Variants in ADAP2 observed in about 807,000 individuals in gnomAD.
ADAP2 encodes the protein arf-GAP with dual PH domain-containing protein 2.
ADAP2 carries 42 observed loss-of-function variants against 54.9 expected under a neutral mutation model. The ratio of observed to expected loss-of-function variants is 0.77; its 90% CI spans 0.60 to 0.99. The LOEUF is 0.99. Among genes scored for constraint, ADAP2 ranks in the 50% least tolerant of loss-of-function variants. ADAP2 has a pLI of 0.00. For synonymous variants in ADAP2, 177 were observed against 180.1 expected, an observed-to-expected ratio of 0.98 and a Z score of 0.14; for missense variants, 429 against 480.4, an observed-to-expected ratio of 0.89 and a Z score of 1.00.
intron 2 of ADAP2, among the ~76,000 whole-genome samples, chr17:30,925,906 T>A (rs1014737831): frequency 1.3e-5 from 2 of 152,042 alleles, no homozygotes; most frequent in Admixed American, 1.3e-4. Flanking sequence ...AATTTTTGTA[T>A]TTTTTTAGTA....
chr17:30,935,989 A>G (rs1911842807), intron 5 of ADAP2, among the ~76,000 whole-genome samples: 1 of 152,192 alleles, frequency 6.6e-6, no homozygotes, highest in Admixed American at 6.5e-5. Flanking sequence ...GTGTATTCAC[A>G]GAGTAGCACA....
chr17:30,944,802 A>G, intron 5 of ADAP2, 105 bp from the exon 6 acceptor site: 8 of 1,173,872 alleles, frequency 6.8e-6, no homozygotes, highest in Non-Finnish European at 9.7e-6. Context: ...TTTAAAACCC[A>G]TATATTTACA....
chr17:30,924,919 C>A (rs1263776120), intron 2 of ADAP2, among the ~76,000 whole-genome samples: 1 of 148,312 alleles, frequency 6.7e-6, no homozygotes, highest in Non-Finnish European at 1.5e-5. Flanking sequence ...GTTGCCCAGG[C>A]TGGAGTGCAA....
intron 9 of ADAP2, 77 bp from the exon 10 acceptor site, chr17:30,956,164 G>A: frequency 7.4e-7 from 1 of 1,358,682 alleles, no homozygotes; most frequent in Non-Finnish European, 1.0e-6. Flanking sequence ...CCAAAATAAA[G>A]CTTGGAGGCT....
chr17:30,930,343 A>G (rs1352219196), intron 3 of ADAP2, among the ~76,000 whole-genome samples: 10 of 152,082 alleles, frequency 6.6e-5, no homozygotes, highest in Admixed American at 6.6e-4. Flanking sequence ...AAGTGCTAGG[A>G]TTACAAGTGT....
intron 1 of ADAP2, among the ~76,000 whole-genome samples, 182 bp downstream of exon 1, chr17:30,922,290 C>T (rs1567711637): frequency 6.6e-6 from 1 of 151,922 alleles, no homozygotes. Context: ...GGGCCGTCTC[C>T]ACCACACCCT....
At chr17:30,954,665 G>A in intron 9 of ADAP2, 110 bp downstream of exon 9, 1 of 922,208 alleles carries the variant, frequency 1.1e-6, no homozygotes, top group East Asian at 2.5e-5. Flanking sequence ...GAGCCCCAGA[G>A]CTAGAGAAAC....
intron 1 of ADAP2, among the ~76,000 whole-genome samples, chr17:30,922,401 C>G (rs1277940488): frequency 6.6e-6 from 1 of 152,224 alleles, no homozygotes; most frequent in African/African-American, 2.4e-5. Context: ...AGCCTAGAGC[C>G]CTTCCAGTCC....
intron 2 of ADAP2, among the ~76,000 whole-genome samples, 194 bp downstream of exon 2, chr17:30,923,264 CTT>C (rs375853030): frequency 0.012 from 1,657 of 135,022 alleles, 35 homozygotes; most frequent in African/African-American, 0.043. Flanking sequence ...CATTTGCTTA[CTT>C]TTTTTTTTTT....
At chr17:30,956,809 C>T (rs1051327505) in intron 10 of ADAP2, 4 of 266,912 alleles carry the variant, frequency 1.5e-5, no homozygotes, top group East Asian at 8.0e-5. Flanking sequence ...TCCTTTTTCT[C>T]GTGAGAAAAC....
At chr17:30,954,353 G>A in intron 8 of ADAP2, 125 bp from the exon 9 acceptor site, 3 of 766,106 alleles carry the variant, frequency 3.9e-6, no homozygotes, top group Non-Finnish European at 6.9e-6. Flanking sequence ...ATGTCTGACT[G>A]AGGAGGCTGG....
intron 6 of ADAP2, 70 bp downstream of exon 6, chr17:30,945,123 C>A: frequency 6.4e-7 from 1 of 1,552,208 alleles, no homozygotes; most frequent in South Asian, 1.2e-5. Context: ...CAGCTCACCA[C>A]CTCCCCTGCT....
rs1011370351 is a variant in ADAP2 at position 30,921,979 on chromosome 17, C to T, written c.-36C>T. ...CACCTGCCGGGCGGAGCGCACGGGC[C>T]ATGGGCTGAGCCCCGCTGAGCCCGC... On this transcript the variant is annotated 5_prime_UTR_variant, in exon 1 of 11. Coordinates refer to ENST00000330889, the MANE Select transcript of ADAP2 (RefSeq NM_018404.3). 8.0e-7 allele frequency: 1 copy of T among 1,244,376 alleles called. No individual in the cohort carries two copies. Among genetic ancestry groups the T allele is most frequent in the African/African-American group, 1.6e-5 (1 of 63,770 alleles). The allele number at this position is 1,244,376 out of a possible 1,614,324, so 77.1% of individuals were successfully genotyped here. A position where few individuals can be genotyped will look rare whatever the true frequency, so the allele number is the denominator to read the frequency against.
chr17:30,934,116 A>C, intron 4 of ADAP2, 69 bp from the exon 5 acceptor site: 2 of 1,217,544 alleles, frequency 1.6e-6, no homozygotes, highest in Non-Finnish European at 2.4e-6. Flanking sequence ...TGAGAACCTC[A>C]GAGGTTCCTG....
intron 5 of ADAP2, among the ~76,000 whole-genome samples, chr17:30,944,513 G>A (rs926520358): frequency 6.6e-6 from 1 of 152,138 alleles, no homozygotes; most frequent in African/African-American, 2.4e-5. Context: ...TGGCTAGAGT[G>A]CAGTGGCACG....
chr17:30,940,019 T>C (rs1036032824), intron 5 of ADAP2, among the ~76,000 whole-genome samples: 3 of 152,258 alleles, frequency 2.0e-5, no homozygotes, highest in South Asian at 4.1e-4. Flanking sequence ...TGGAGTACAG[T>C]GGTGCAATTC....
In ADAP2 at chr17:30,957,950, C is replaced by A; in HGVS notation, c.*81C>A. 1.5e-6 allele frequency: 2 copies of A among 1,332,710 alleles called. No individual in the cohort carries two copies. Among genetic ancestry groups the A allele is most frequent in the South Asian group, 1.2e-5 (1 of 81,446 alleles). The allele number at this position is 1,332,710 out of a possible 1,614,324, so 82.6% of individuals were successfully genotyped here. On this transcript the variant is annotated 3_prime_UTR_variant, in exon 11 of 11. Transcript: ENST00000330889. ...AGTTTGCACCTCGGCCCTGGCTGCC[C>A]ACCATCAGTGCCCCGCAGTCAGCAG...
At chr17:30,945,090 C>T (rs373046073) in intron 6 of ADAP2, 37 bp downstream of exon 6, 26 of 1,608,392 alleles carry the variant, frequency 1.6e-5, no homozygotes, top group South Asian at 8.9e-5. Context: ...GCCTCCAGCT[C>T]GCACCCCAGG....
chr17:30,949,298 C>T lies in ADAP2; in HGVS notation c.669C>T (p.Asp223=). The stretch of plus-strand genomic sequence containing the variant: ...ACTTCTCTCCGCAGGAGATAGTGGA[C>T]TGGTTCAATGCCCTCCGTGCAGCCC... ...VYHESGKEIV[D]WFNALRAARL... Residue 223 remains aspartate (D), a synonymous_variant, in exon 7 of 11, where the codon GAC becomes GAT. Transcript: ENST00000330889. 6.2e-7 allele frequency: 1 copy of T among 1,614,072 alleles called. No homozygotes were observed. The highest frequency in any genetic ancestry group is 8.5e-7 in the Non-Finnish European group (1 of 1,179,954).
Sources: allele counts gnomAD v4.1 joint callset (sites outside exome capture counted in the v4.1 genomes callset), GRCh38; gene constraint gnomAD v4.1.1; transcripts MANE v1.5; gene names NCBI Gene and HGNC (gene_info 2026-07-23, HGNC 2026-07-21).